DESI2: variants seen among roughly 807,000 people sequenced by gnomAD.
The protein encoded by DESI2 is desumoylating isopeptidase 2, also known as deubiquitinase DESI2.
In DESI2, 10 loss-of-function variants were observed where a neutral mutation model predicts 24.1. That is an observed-to-expected ratio of 0.41 (90% CI 0.26 to 0.70). DESI2 has a LOEUF of 0.70. Among genes scored for constraint, DESI2 ranks in the 30% least tolerant of loss-of-function variants. The pLI is 0.29. For missense variants in DESI2, 122 were observed against 234.9 expected, an observed-to-expected ratio of 0.52 and a Z score of 3.14; for synonymous variants, 71 against 87.7, an observed-to-expected ratio of 0.81 and a Z score of 1.06.
intron 3 of DESI2, among the ~76,000 whole-genome samples, chr1:244,690,389 C>T (rs1676981515): frequency 6.6e-6 from 1 of 152,016 alleles, no homozygotes; most frequent in South Asian, 2.1e-4. Flanking sequence ...AATTTTCATT[C>T]CTTAATTGAG....
intron 2 of DESI2, among the ~76,000 whole-genome samples, chr1:244,688,240 T>A (rs576759166): frequency 1.3e-5 from 2 of 152,352 alleles, no homozygotes; most frequent in Non-Finnish European, 2.9e-5. Flanking sequence ...TTCCGTACTA[T>A]AATTGAGAAA....
chr1:244,668,038 A>G (rs1226348286), intron 1 of DESI2, among the ~76,000 whole-genome samples: 1 of 152,250 alleles, frequency 6.6e-6, no homozygotes, highest in Admixed American at 6.5e-5. Flanking sequence ...GGTATTGACT[A>G]TATGTATACA....
chr1:244,694,633 T>C, intron 4 of DESI2: 1 of 842,406 alleles, frequency 1.2e-6, no homozygotes, highest in Non-Finnish European at 2.1e-6. Context: ...CAGGTCAACT[T>C]CTGAAGGTGG....
intron 3 of DESI2, among the ~76,000 whole-genome samples, chr1:244,690,883 C>A (rs1677002145): frequency 6.6e-6 from 1 of 152,184 alleles, no homozygotes; most frequent in African/African-American, 2.4e-5. Flanking sequence ...GTTCTCTTAG[C>A]CTATCACTGA....
At chr1:244,683,322 C>CTTTTTTTTTTTTTTTTTTTTTTTTTTT (rs1558660353) in intron 1 of DESI2, among the ~76,000 whole-genome samples, 3 of 151,772 alleles carry the variant, frequency 2.0e-5, no homozygotes, top group African/African-American at 7.3e-5. Flanking sequence ...TTACTTTTTT[C>CTTTTTTTTTTTTTTTTTTTTTTTTTTT]TTTTTTTGAG....
At chr1:244,694,487 A>G in intron 4 of DESI2, 1 of 786,718 alleles carries the variant, frequency 1.3e-6, no homozygotes, top group East Asian at 2.5e-5. Context: ...GTGTTCCTTC[A>G]CGGAATCTGT....
At chr1:244,690,633 A>G (rs1355148153) in intron 3 of DESI2, among the ~76,000 whole-genome samples, 1 of 150,874 alleles carries the variant, frequency 6.6e-6, no homozygotes, top group East Asian at 2.0e-4. Context: ...TGAACCTGGG[A>G]GGCAGAGGAT....
intron 1 of DESI2, among the ~76,000 whole-genome samples, chr1:244,675,180 A>G (rs1676375129): frequency 6.6e-6 from 1 of 152,132 alleles, no homozygotes; most frequent in Non-Finnish European, 1.5e-5. Flanking sequence ...GAGTTCTTAT[A>G]TGTATTCTAC....
At chr1:244,686,517 G>C in intron 1 of DESI2, 80 bp from the exon 2 acceptor site, 2 of 866,804 alleles carry the variant, frequency 2.3e-6, no homozygotes, top group Non-Finnish European at 3.9e-6. Context: ...GTGAAAGACT[G>C]GGGAGCAGTC....
At chr1:244,655,318 C>T (rs990718810) in intron 1 of DESI2, among the ~76,000 whole-genome samples, 1 of 152,206 alleles carries the variant, frequency 6.6e-6, no homozygotes, top group African/African-American at 2.4e-5. Flanking sequence ...ATCTTCTCTA[C>T]TAATTCCTGC....
At chr1:244,653,652 G>C in intron 1 of DESI2, 1 of 502,410 alleles carries the variant, frequency 2.0e-6, no homozygotes, top group Non-Finnish European at 3.5e-6. Flanking sequence ...CTTGGCCGAC[G>C]TGCAGTGTCC....
chr1:244,679,535 A>G lies in DESI2; in HGVS notation c.43-7062A>G, dbSNP rs556337070. Among the ~76,000 whole-genome samples, 51 of 152,364 alleles carry G rather than the reference A, an allele frequency of 3.3e-4. 1 individual carries two copies. The South Asian group carries it at 9.7e-3, about 29-fold the overall frequency. On this transcript the variant is annotated intron_variant, in intron 1 of 4. Coordinates refer to ENST00000302550, the MANE Select transcript of DESI2 (RefSeq NM_016076.5). ...ATCACATAGAAAGTAAGTCACAAAC[A>G]TAGCAGTTCATCCCTAAATACTTTA... is the stretch of plus-strand genomic sequence containing the variant.
chr1:244,653,431 C>T (rs1269866570), intron 1 of DESI2, 76 bp downstream of exon 1: 70 of 1,459,770 alleles, frequency 4.8e-5, no homozygotes, highest in Non-Finnish European at 5.4e-5. Context: ...GGACCCCGGC[C>T]CCAGGCGCTT....
chr1:244,682,772 G>A (rs1676664649), intron 1 of DESI2, among the ~76,000 whole-genome samples: 1 of 151,748 alleles, frequency 6.6e-6, no homozygotes, highest in South Asian at 2.1e-4. Context: ...CGGGGGGCCA[G>A]ATTGGTCTGC....
chr1:244,705,176 T>G (rs1677646297), intron 4 of DESI2, among the ~76,000 whole-genome samples: 1 of 152,218 alleles, frequency 6.6e-6, no homozygotes, highest in Non-Finnish European at 1.5e-5. Flanking sequence ...ACTCTTCCAA[T>G]TGCCTGGGGC....
In DESI2 at chr1:244,708,504, C is replaced by A. The variant is rs1677797694; in HGVS notation, c.*2715C>A. ...CAGAGCAGGGAATTCTGGTTTTAGT[C>A]CATTGGTAGCATTGTGTGTATGAGG... On this transcript the variant is annotated 3_prime_UTR_variant, in exon 5 of 5. Coordinates refer to ENST00000302550, the MANE Select transcript of DESI2 (RefSeq NM_016076.5). The A allele has an allele frequency of 6.6e-6, 1 of 152,554 alleles. No homozygotes were observed. The highest frequency in any genetic ancestry group is 6.6e-5 in the Admixed American group (1 of 15,262). 9.5% of individuals were successfully genotyped at this position (152,554 alleles called of 1,614,324 possible).
intron 1 of DESI2, among the ~76,000 whole-genome samples, chr1:244,683,350 C>T (rs568519618): frequency 4.0e-5 from 6 of 151,580 alleles, no homozygotes; most frequent in Middle Eastern, 3.4e-3. Flanking sequence ...CTCGCTCTGT[C>T]GCCCAGGCTG....
At chr1:244,664,163 T>C (rs898955485) in intron 1 of DESI2, among the ~76,000 whole-genome samples, 1 of 152,118 alleles carries the variant, frequency 6.6e-6, no homozygotes, top group Admixed American at 6.6e-5. Context: ...GTGTCCAGAA[T>C]TACTCTTTGA....
chr1:244,683,523 G>T (rs970597211), intron 1 of DESI2, among the ~76,000 whole-genome samples: 1 of 152,038 alleles, frequency 6.6e-6, no homozygotes, highest in Non-Finnish European at 1.5e-5. Flanking sequence ...ATGTTAGCCA[G>T]GGTGGTCTTG....
Sources: allele counts gnomAD v4.1 joint callset (sites outside exome capture counted in the v4.1 genomes callset), GRCh38; gene constraint gnomAD v4.1.1; transcripts MANE v1.5; gene names NCBI Gene and HGNC (gene_info 2026-07-23, HGNC 2026-07-21).